TRAPPC9: variants seen among roughly 807,000 people sequenced by gnomAD.
TRAPPC9 encodes IKK2 binding protein.
TRAPPC9 carries 83 observed loss-of-function variants against 124.0 expected under a neutral mutation model. The observed-to-expected ratio is 0.67, with a 90% CI of 0.56 to 0.80. The LOEUF (loss-of-function observed/expected upper bound fraction) is 0.80, where lower values mean the gene tolerates loss of function less well. Ranked by LOEUF, TRAPPC9 falls within the 30% of genes least tolerant of loss-of-function variation. The pLI is 0.00. For missense variants in TRAPPC9, 1,302 were observed against 1,508.3 expected, an observed-to-expected ratio of 0.86 and a Z score of 2.27; for synonymous variants, 638 against 617.5, an observed-to-expected ratio of 1.03 and a Z score of -0.49.
chr8:140,249,203 C>T (rs4736024), intron 16 of TRAPPC9, among the ~76,000 whole-genome samples: 70,417 of 151,994 alleles, frequency 0.46, 18,514 homozygotes, highest in East Asian at 0.87. Flanking sequence ...TCGAGTAGCC[C>T]CCGTGTCTGT....
At chr8:139,847,885 C>T (rs899343307) in intron 21 of TRAPPC9, among the ~76,000 whole-genome samples, 1 of 152,218 alleles carries the variant, frequency 6.6e-6, no homozygotes, top group Non-Finnish European at 1.5e-5. Context: ...AGCTTAAAGA[C>T]CCTCCAAGGC....
intron 16 of TRAPPC9, among the ~76,000 whole-genome samples, chr8:140,242,186 T>C (rs895458708): frequency 2.6e-5 from 4 of 151,486 alleles, no homozygotes; most frequent in Non-Finnish European, 4.4e-5. Context: ...CCAGATTACA[T>C]AGAGACTTAG....
At chr8:139,876,752 C>T (rs1488815278) in intron 21 of TRAPPC9, among the ~76,000 whole-genome samples, 1 of 152,218 alleles carries the variant, frequency 6.6e-6, no homozygotes, top group East Asian at 1.9e-4. Context: ...TACCAGCCCA[C>T]CCATCTTCCC....
chr8:139,822,561 G>T (rs550550027), intron 21 of TRAPPC9, among the ~76,000 whole-genome samples: 2 of 152,156 alleles, frequency 1.3e-5, no homozygotes, highest in African/African-American at 2.4e-5. Flanking sequence ...CCTCAAGCAG[G>T]TGCTAGAGAT....
At chr8:140,011,394 ATT>A in intron 18 of TRAPPC9, among the ~76,000 whole-genome samples, 2 of 151,716 alleles carry the variant, frequency 1.3e-5, no homozygotes, top group African/African-American at 2.4e-5. Flanking sequence ...ATTTAGATGA[ATT>A]AAAAATTTGG....
chr8:140,189,945 G>A (rs900475337), intron 17 of TRAPPC9, among the ~76,000 whole-genome samples: 7 of 152,220 alleles, frequency 4.6e-5, no homozygotes, highest in Non-Finnish European at 4.4e-5. Flanking sequence ...GCAGACGCAC[G>A]GCCTCCATAG....
intron 19 of TRAPPC9, among the ~76,000 whole-genome samples, chr8:139,967,472 G>A (rs67205192): frequency 0.11 from 16,908 of 152,268 alleles, 994 homozygotes; most frequent in African/African-American, 0.14. Flanking sequence ...CTACTGTATT[G>A]GCCACTCAGC....
chr8:140,041,429 T>C (rs1467453324), intron 17 of TRAPPC9, among the ~76,000 whole-genome samples: 1 of 152,248 alleles, frequency 6.6e-6, no homozygotes, highest in Non-Finnish European at 1.5e-5. Flanking sequence ...AATGATTTTT[T>C]CCACAGAAAG....
intron 7 of TRAPPC9, among the ~76,000 whole-genome samples, chr8:140,393,670 AATC>A (rs1333561726): frequency 6.6e-6 from 1 of 152,218 alleles, no homozygotes; most frequent in Non-Finnish European, 1.5e-5. Flanking sequence ...AACCTGCAAT[AATC>A]ATATCTCAGT....
chr8:139,750,079 T>G (rs1443486769), intron 21 of TRAPPC9, among the ~76,000 whole-genome samples: 1 of 151,772 alleles, frequency 6.6e-6, no homozygotes, highest in Non-Finnish European at 1.5e-5. Flanking sequence ...CTGGGAGTGG[T>G]GGGGGCTGGA....
intron 18 of TRAPPC9, 21 bp downstream of exon 18, chr8:140,023,916 G>A: frequency 6.2e-7 from 1 of 1,613,934 alleles, no homozygotes; most frequent in Non-Finnish European, 8.5e-7. Flanking sequence ...CAAGACGGCT[G>A]TGCGGCAGGA....
intron 19 of TRAPPC9, among the ~76,000 whole-genome samples, chr8:139,924,522 C>T (rs765660255): frequency 4.6e-5 from 7 of 152,234 alleles, no homozygotes; most frequent in Admixed American, 6.5e-5. Flanking sequence ...GAACCGTCAA[C>T]GCACCATCAT....
chr8:140,304,506 T>C (rs184616234), intron 10 of TRAPPC9, among the ~76,000 whole-genome samples: 1 of 152,268 alleles, frequency 6.6e-6, no homozygotes, highest in East Asian at 1.9e-4. Context: ...AGGAAGCACC[T>C]TGGCCTAATC....
At chr8:139,772,552 C>T (rs1209200651) in intron 21 of TRAPPC9, among the ~76,000 whole-genome samples, 1 of 152,206 alleles carries the variant, frequency 6.6e-6, no homozygotes, top group Non-Finnish European at 1.5e-5. Flanking sequence ...ACATGGCCAC[C>T]CCCACTGCCT....
intron 17 of TRAPPC9, among the ~76,000 whole-genome samples, chr8:140,044,055 A>T (rs1443919287): frequency 6.6e-6 from 1 of 152,154 alleles, no homozygotes; most frequent in Non-Finnish European, 1.5e-5. Context: ...TTGTGCCAGC[A>T]GGGTGTCAGC....
At chr8:139,812,502 C>T (rs538644722) in intron 21 of TRAPPC9, among the ~76,000 whole-genome samples, 34 of 152,290 alleles carry the variant, frequency 2.2e-4, no homozygotes, top group East Asian at 5.8e-4. Flanking sequence ...TTTGCAGAAG[C>T]GCCTCTGAGG....
chr8:139,819,285 C>T (rs1383548807), intron 21 of TRAPPC9, among the ~76,000 whole-genome samples: 2 of 152,268 alleles, frequency 1.3e-5, no homozygotes, highest in East Asian at 1.9e-4. Flanking sequence ...AAAACAGGCT[C>T]AAGGCTCCCA....
Position 140,249,959 on chromosome 8 carries a change from T to C in TRAPPC9, c.2431+2818A>G, listed in dbSNP as rs370453606. On this transcript the variant is annotated intron_variant, in intron 16 of 22. Transcript: ENST00000438773. Reference sequence around the variant, plus strand: ...CATTTATTTCCTAAGAACAAGAATTTTCTGCTACAATTTCAATTTCATTAT... The same window carrying C: ...CATTTATTTCCTAAGAACAAGAATTCTCTGCTACAATTTCAATTTCATTAT... Among the ~76,000 whole-genome samples, 98 of 152,314 alleles carry C rather than the reference T, an allele frequency of 6.4e-4. 2 individuals are homozygous for C. The South Asian group carries it at 0.02, about 32-fold the overall frequency.
intron 16 of TRAPPC9, among the ~76,000 whole-genome samples, chr8:140,246,465 A>AT (rs747732861): frequency 6.6e-6 from 1 of 152,182 alleles, no homozygotes; most frequent in African/African-American, 2.4e-5. Flanking sequence ...ATTTCTTGCT[A>AT]TTTTTTATTC....
Sources: gnomAD v4.1 joint callset for allele counts (sites outside exome capture counted in the v4.1 genomes callset) on GRCh38, gnomAD v4.1.1 for gene constraint, MANE v1.5 for transcripts, NCBI Gene and HGNC (gene_info 2026-07-23, HGNC 2026-07-21) for gene names.